SLC35C1: variants seen among roughly 807,000 people sequenced by gnomAD.
The protein encoded by SLC35C1 is GDP-fucose transporter 1.
SLC35C1 carries 8 observed loss-of-function variants against 23.2 expected under a neutral mutation model. The observed-to-expected ratio is 0.35, with a 90% CI of 0.20 to 0.62. The LOEUF is 0.62. Ranked by LOEUF, SLC35C1 falls within the 20% of genes least tolerant of loss-of-function variation. The pLI, the probability that SLC35C1 is intolerant of heterozygous loss-of-function variation, is 0.75. For synonymous variants in SLC35C1, 226 were observed against 225.1 expected (o/e 1.00, Z -0.04); for missense variants, 422 against 478.6 (o/e 0.88, Z 1.10).
At chr11:45,808,038 G>A (rs542679670) in intron 1 of SLC35C1, among the ~76,000 whole-genome samples, 32 of 152,214 alleles carry the variant, frequency 2.1e-4, no homozygotes, top group Admixed American at 5.9e-4. Context: ...ATTCACGGGC[G>A]TGCCTGACTG....
In SLC35C1 at chr11:45,806,000, T is replaced by G; in HGVS notation, c.199T>G (p.Ser67Ala). 1 of 1,613,990 alleles carries G rather than the reference T, an allele frequency of 6.2e-7. No homozygotes were observed. Among genetic ancestry groups the G allele is most frequent in the Non-Finnish European group, 8.5e-7 (1 of 1,180,004 alleles). Residue 67 changes from serine (S) to alanine (A), a missense_variant, in exon 1 of 2, where the codon TCC becomes GCC. Ser to Ala is a moderately conservative substitution (Grantham distance 99). Transcript: ENST00000314134. The part of the protein sequence containing the change: ...FLNKYLLDSP[S>A]LRLDTPIFVT... ...TAATAAGTACCTGCTGGACAGCCCC[T>G]CCCTGCGGCTGGACACCCCCATCTT...
rs1191960125 is a variant in SLC35C1 at position 45,805,427 on chromosome 11, T to C, written c.-375T>C. ...CCTTTTCCTGCACCTTCGCCCCGCG[T>C]ACCTACTCCTGCCCCGCCCTGCCAT... On this transcript the variant is annotated 5_prime_UTR_variant, in exon 1 of 2. Coordinates refer to ENST00000314134, the MANE Select transcript of SLC35C1 (RefSeq NM_018389.5). The C allele has an allele frequency of 1.9e-6, 2 of 1,070,200 alleles. No homozygotes were observed. Among genetic ancestry groups the C allele is most frequent in the African/African-American group, 1.7e-5 (1 of 60,030 alleles). The allele number at this position is 1,070,200 out of a possible 1,614,324, so 66.3% of individuals were successfully genotyped here.
rs1204797661 is a variant in SLC35C1, at chr11:45,811,151, C to T, written c.911C>T (p.Ala304Val). Residue 304 changes from alanine to valine, a missense_variant, in exon 2 of 2, where the codon GCC (alanine) becomes GTC (valine). By Grantham distance (64) the Ala-to-Val change is moderately conservative. Transcript: ENST00000314134. ...CACAATGTGTCGGGCACGGCCAAGG[C>T]CTGTGCCCAGACAGTGCTGGCCGTG... ...LTHNVSGTAKACAQTVLAVLY... is the reference protein window; with the variant it reads ...LTHNVSGTAKVCAQTVLAVLY... 1 of 1,611,668 alleles carries T rather than the reference C, an allele frequency of 6.2e-7. No homozygotes were observed. Among genetic ancestry groups the T allele is most frequent in the Non-Finnish European group, 8.5e-7 (1 of 1,180,000 alleles).
upstream of SLC35C1, chr11:45,804,565 C>G: frequency 1.0e-6 from 1 of 985,622 alleles, no homozygotes; most frequent in Non-Finnish European, 1.2e-6. Flanking sequence ...CCGGGCCGCC[C>G]AGAGGACCTC....
At chr11:45,809,830 A>T (rs1350860856) in intron 1 of SLC35C1, 2 of 985,296 alleles carry the variant, frequency 2.0e-6, no homozygotes, top group Non-Finnish European at 2.4e-6. Flanking sequence ...GGAGCATGGG[A>T]TCTGGCTAAA....
At chr11:45,804,629 G>C, upstream of SLC35C1, 1 of 985,876 alleles carries the variant, frequency 1.0e-6, no homozygotes, top group Non-Finnish European at 1.2e-6. Flanking sequence ...CGTGGCCTCC[G>C]GCCTCGGGGA....
In SLC35C1 at chr11:45,805,330, C is replaced by T. The variant is rs1347416305; in HGVS notation, c.-472C>T. 3.5e-5 allele frequency: 35 copies of T among 1,006,694 alleles called. No homozygotes were observed. The highest frequency in any genetic ancestry group is 4.1e-5 in the Non-Finnish European group (34 of 838,186). The allele number at this position is 1,006,694 out of a possible 1,614,324, so 62.4% of individuals were successfully genotyped here. ...CGGCAGCTCCCTGTACGCCTCCCTC[C>T]CCCTGCCCGCCCCTCCCTCCCACAG... On this transcript the variant is annotated 5_prime_UTR_variant, in exon 1 of 2. Coordinates refer to ENST00000314134, the MANE Select transcript of SLC35C1 (RefSeq NM_018389.5).
chr11:45,808,457 C>T (rs184859181), intron 1 of SLC35C1, among the ~76,000 whole-genome samples: 40 of 152,108 alleles, frequency 2.6e-4, no homozygotes, highest in Admixed American at 3.3e-4. Flanking sequence ...GCCAAGATCG[C>T]GCCACTGCAT....
rs938419458 is a variant in SLC35C1, at chr11:45,812,374, C to G, written c.*1039C>G. On this transcript the variant is annotated 3_prime_UTR_variant, in exon 2 of 2. Coordinates refer to ENST00000314134, the MANE Select transcript of SLC35C1 (RefSeq NM_018389.5). ...TTTACATTCTTCCCTGAGGTTGTGG[C>G]TGACAGAGCCTGCTTGGCCCCACTG... The G allele has an allele frequency of 2.7e-6, 1 of 364,284 alleles. No homozygotes were observed. The highest frequency in any genetic ancestry group is 5.4e-6 in the Non-Finnish European group (1 of 184,672). The allele number at this position is 364,284 out of a possible 1,614,324, so 22.6% of individuals were successfully genotyped here. A position where few individuals can be genotyped will look rare whatever the true frequency, so the allele number is the denominator to read the frequency against.
chr11:45,810,608 G>T (rs1365803504), intron 1 of SLC35C1, 168 bp from the exon 2 acceptor site: 1 of 985,306 alleles, frequency 1.0e-6, no homozygotes, highest in Non-Finnish European at 1.2e-6. Context: ...GGAGTGCTTT[G>T]CCTGCAGTGG....
rs762050590 is a variant in SLC35C1, at chr11:45,812,639, C to G, written c.*1304C>G. On this transcript the variant is annotated 3_prime_UTR_variant, in exon 2 of 2. Coordinates refer to ENST00000314134, the MANE Select transcript of SLC35C1 (RefSeq NM_018389.5). ...CTTTTATAAGGACTCCAACCCTGTT[C>G]ATGAGGGTTCCGCCCCCATGACCCA... 8.8e-6 allele frequency: 4 copies of G among 456,044 alleles called. No individual in the cohort carries two copies. Among genetic ancestry groups the G allele is most frequent in the South Asian group, 6.2e-5 (4 of 64,566 alleles). 28.2% of individuals were successfully genotyped at this position (456,044 alleles called of 1,614,324 possible).
rs2085949540 is a variant in SLC35C1, at chr11:45,811,631, CCCTT to C, written c.*302_*305del. On this transcript the variant is annotated 3_prime_UTR_variant, in exon 2 of 2. Transcript: ENST00000314134. ...GGGAGCACCCTAGTGAGAGTTGAAC[CCCTT>C]CCTTCTGCCTCCAGGGCCTGTCTGC... The C allele has an allele frequency of 1.8e-5, 6 of 326,236 alleles. No homozygotes were observed. In the East Asian group the frequency reaches 3.0e-4, roughly 16 times the overall value. The allele number at this position is 326,236 out of a possible 1,614,324, so 20.2% of individuals were successfully genotyped here.
In SLC35C1 at chr11:45,812,903, C is replaced by A; in HGVS notation, c.*1568C>A. On this transcript the variant is annotated 3_prime_UTR_variant, in exon 2 of 2. Coordinates refer to ENST00000314134, the MANE Select transcript of SLC35C1 (RefSeq NM_018389.5). ...CTATATAGTGAAAAGCTAGGGAGAGCGGGTCTTCTCCCCCCTCCCTCTCCA... is the reference window on the plus strand; with the variant it reads ...CTATATAGTGAAAAGCTAGGGAGAGAGGGTCTTCTCCCCCCTCCCTCTCCA... 3.3e-6 allele frequency: 1 copy of A among 306,206 alleles called. No homozygotes were observed. Among genetic ancestry groups the A allele is most frequent in the Non-Finnish European group, 6.6e-6 (1 of 151,436 alleles). The allele number at this position is 306,206 out of a possible 1,614,324, so 19.0% of individuals were successfully genotyped here. A position where few individuals can be genotyped will look rare whatever the true frequency, so the allele number is the denominator to read the frequency against.
chr11:45,806,841 T>C (rs1206569978), intron 1 of SLC35C1: 1 of 966,118 alleles, frequency 1.0e-6, no homozygotes, highest in Non-Finnish European at 1.2e-6. Flanking sequence ...TGTCCTGATT[T>C]CCCAGCCAGT....
Position 45,811,094 on chromosome 11 carries a change from G to T in SLC35C1, c.854G>T (p.Gly285Val), listed in dbSNP as rs1377122884. The change falls in exon 2 of 2, where the codon GGA becomes GTA. Residue 285 changes from glycine to valine, a missense_variant. Gly to Val is a moderately radical substitution (Grantham distance 109, BLOSUM62 -3). Coordinates refer to ENST00000314134, the MANE Select transcript of SLC35C1 (RefSeq NM_018389.5). ...LFGFAIGYVT[G>V]LQIKFTSPLT... ...GGCTTTGCCATCGGCTACGTGACAG[G>T]ACTGCAGATCAAGTTCACCAGTCCG... is the stretch of plus-strand genomic sequence containing the variant. 1 of 1,613,262 alleles carries T rather than the reference G, an allele frequency of 6.2e-7. No homozygotes were observed. Among genetic ancestry groups the T allele is most frequent in the Non-Finnish European group, 8.5e-7 (1 of 1,180,036 alleles).
Position 45,812,654 on chromosome 11 carries a change from C to T in SLC35C1, c.*1319C>T. 1.1e-5 allele frequency: 5 copies of T among 455,966 alleles called. No homozygotes were observed. Among genetic ancestry groups the T allele is most frequent in the Non-Finnish European group, 2.2e-5 (5 of 226,756 alleles). 28.2% of individuals were successfully genotyped at this position (455,966 alleles called of 1,614,324 possible). A position where few individuals can be genotyped will look rare whatever the true frequency, so the allele number is the denominator to read the frequency against. On this transcript the variant is annotated 3_prime_UTR_variant, in exon 2 of 2. Coordinates refer to ENST00000314134, the MANE Select transcript of SLC35C1 (RefSeq NM_018389.5). ...CAACCCTGTTCATGAGGGTTCCGCC[C>T]CCATGACCCAATCAGCTCCAAAGGC...
chr11:45,810,458 C>T (rs922271035), intron 1 of SLC35C1: 2 of 985,276 alleles, frequency 2.0e-6, no homozygotes, highest in Admixed American at 1.2e-4. Flanking sequence ...CCTTGTACTA[C>T]TTTATGGACC....
At chr11:45,810,619 A>G (rs2085928105) in intron 1 of SLC35C1, 157 bp from the exon 2 acceptor site, 1 of 985,148 alleles carries the variant, frequency 1.0e-6, no homozygotes, top group African/African-American at 1.7e-5. Context: ...CCTGCAGTGG[A>G]GACTCTGGCT....
chr11:45,809,442 C>T (rs369590465), intron 1 of SLC35C1, among the ~76,000 whole-genome samples: 6 of 152,006 alleles, frequency 3.9e-5, no homozygotes, highest in African/African-American at 1.2e-4. Context: ...GCAAGACTCA[C>T]CAGACACAAG....
Sources: gnomAD v4.1 joint callset for allele counts (sites outside exome capture counted in the v4.1 genomes callset) on GRCh38, gnomAD v4.1.1 for gene constraint, MANE v1.5 for transcripts, NCBI Gene and HGNC (gene_info 2026-07-23, HGNC 2026-07-21) for gene names.